SLC5A12: variants seen among roughly 807,000 people sequenced by gnomAD.
SLC5A12 encodes the protein sodium-coupled monocarboxylate transporter 2.
A neutral mutation model predicts 72.7 loss-of-function variants in SLC5A12; 46 were observed. That is an observed-to-expected ratio of 0.63 (90% CI 0.50 to 0.81). The LOEUF (loss-of-function observed/expected upper bound fraction) is 0.81, where lower values mean the gene tolerates loss of function less well. Ranked by LOEUF, SLC5A12 falls within the 30% of genes least tolerant of loss-of-function variation. The pLI, the probability that SLC5A12 is intolerant of heterozygous loss-of-function variation, is 0.00. For synonymous variants in SLC5A12, 275 were observed against 264.4 expected (o/e 1.04, Z -0.39); for missense variants, 683 against 740.7 (o/e 0.92, Z 0.90).
intron 13 of SLC5A12, among the ~76,000 whole-genome samples, chr11:26,674,379 A>AAAAAAAG (rs916150235): frequency 1.3e-5 from 2 of 151,042 alleles, no homozygotes; most frequent in African/African-American, 4.9e-5. Flanking sequence ...TCTAGAGACA[A>AAAAAAAG]AAAAAATAAA....
At position 26,673,384 on chromosome 11, in the gene SLC5A12, G is replaced by A. The variant is rs753344889; in HGVS notation, c.1707+18C>T. 5.9e-6 allele frequency: 9 copies of A among 1,526,478 alleles called. No individual in the cohort carries two copies. The highest frequency in any genetic ancestry group is 8.8e-7 in the Non-Finnish European group (1 of 1,136,946). 94.6% of individuals were successfully genotyped at this position (1,526,478 alleles called of 1,614,324 possible). ...TTTGAGTCCATACACATTTTTAGAA[G>A]CTCAAACATCAGCTCACCTGCTCTG... On this transcript the variant is annotated intron_variant, in intron 14 of 14. Coordinates refer to ENST00000396005, the MANE Select transcript of SLC5A12 (RefSeq NM_178498.4).
At chr11:26,694,479 C>A (rs1854761266) in intron 8 of SLC5A12, among the ~76,000 whole-genome samples, 1 of 152,100 alleles carries the variant, frequency 6.6e-6, no homozygotes, top group South Asian at 2.1e-4. Flanking sequence ...GAGTGTGACC[C>A]TTACTGGTGT....
intron 9 of SLC5A12, chr11:26,692,255 G>A (rs1326835587): frequency 9.3e-6 from 4 of 432,170 alleles, no homozygotes; most frequent in South Asian, 3.1e-5. Flanking sequence ...AGAGTGTAGG[G>A]TAAGTATAGA....
At chr11:26,704,191 A>T (rs1248215734) in intron 4 of SLC5A12, among the ~76,000 whole-genome samples, 1 of 152,172 alleles carries the variant, frequency 6.6e-6, no homozygotes, top group East Asian at 1.9e-4. Flanking sequence ...AGACAACAAG[A>T]TAGTGATTTA....
Position 26,681,153 on chromosome 11 carries a change from G to A in SLC5A12, c.1377C>T (p.Tyr459=), listed in dbSNP as rs1175455513. The A allele has an allele frequency of 6.2e-7, 1 of 1,611,912 alleles. No individual in the cohort carries two copies. The highest frequency in any genetic ancestry group is 1.7e-5 in the Admixed American group (1 of 59,782). The change falls in exon 12 of 15, where the codon TAC becomes TAT. Residue 459 remains tyrosine (Y), a synonymous_variant. Transcript: ENST00000396005. The part of the protein sequence containing the change: ...SFWVAIGAFI[Y]PAPASKTWPL... ...GCCATGTCTTAGAGGCTGGTGCAGG[G>A]TAAATGAAGGCCCCAATGGCCACCC... is the stretch of plus-strand genomic sequence containing the variant.
intron 1 of SLC5A12, among the ~76,000 whole-genome samples, chr11:26,714,365 A>G (rs1012350767): frequency 3.9e-5 from 6 of 152,138 alleles, no homozygotes; most frequent in African/African-American, 9.7e-5. Flanking sequence ...GATCTTACAG[A>G]TTAGACGAAG....
chr11:26,721,189 T>G (rs1214030598), intron 1 of SLC5A12, among the ~76,000 whole-genome samples, 187 bp downstream of exon 1: 1 of 152,232 alleles, frequency 6.6e-6, no homozygotes, highest in Non-Finnish European at 1.5e-5. Flanking sequence ...TCATCATTAT[T>G]TTCCTTCTAC....
intron 9 of SLC5A12, chr11:26,692,263 A>G: frequency 2.0e-6 from 1 of 508,618 alleles, no homozygotes; most frequent in Non-Finnish European, 3.6e-6. Context: ...GGGTAAGTAT[A>G]GAAGAGTATC....
chr11:26,711,354 A>T lies in SLC5A12; in HGVS notation c.410T>A (p.Leu137His). Residue 137 changes from leucine to histidine, a missense_variant, in exon 3 of 15, where the codon CTC (leucine) becomes CAC (histidine). Leu to His is a moderately conservative substitution (Grantham distance 99). Transcript: ENST00000396005. ...AGCATACACCACCACTCCTGTGTAG[A>T]GAATCTGGTAGAGAAACAAGAATCA... is the stretch of plus-strand genomic sequence containing the variant. ...ATVIYIVQTI[L>H]YTGVVVYAPA... The T allele has an allele frequency of 6.2e-7, 1 of 1,611,308 alleles. No individual in the cohort carries two copies. Among genetic ancestry groups the T allele is most frequent in the Non-Finnish European group, 8.5e-7 (1 of 1,178,248 alleles).
At chr11:26,690,536 C>T (rs563885682) in intron 9 of SLC5A12, among the ~76,000 whole-genome samples, 7 of 150,740 alleles carry the variant, frequency 4.6e-5, no homozygotes, top group South Asian at 4.2e-4. Context: ...AGTGGCCTGG[C>T]GCAGTGGCTC....
intron 1 of SLC5A12, among the ~76,000 whole-genome samples, chr11:26,713,528 A>T (rs551556366): frequency 6.6e-6 from 1 of 152,256 alleles, no homozygotes; most frequent in South Asian, 2.1e-4. Flanking sequence ...TCTTTCACAG[A>T]TGAGAAATTC....
At chr11:26,692,671 C>G in intron 8 of SLC5A12, 70 bp from the exon 9 acceptor site, 2 of 1,040,230 alleles carry the variant, frequency 1.9e-6, no homozygotes, top group Non-Finnish European at 3.0e-6. Flanking sequence ...GCCCTCTTGT[C>G]CAGGGCAGAT....
At chr11:26,712,779 T>G in intron 1 of SLC5A12, 73 bp from the exon 2 acceptor site, 1 of 1,051,476 alleles carries the variant, frequency 9.5e-7, no homozygotes, top group Non-Finnish European at 1.4e-6. Flanking sequence ...CTTTTTATCT[T>G]GGTATATCCT....
In SLC5A12 at chr11:26,683,750, T is replaced by G. The variant is rs368312706; in HGVS notation, c.1308+7A>C. On this transcript the variant is annotated splice_region_variant and intron_variant, in intron 11 of 14. Coordinates refer to ENST00000396005, the MANE Select transcript of SLC5A12 (RefSeq NM_178498.4). ...GGGAATTGTGAAGAGGGCTGTGGGA[T>G]CCTTACCTTCCAATTCACAAAAGGG... 6.3e-7 allele frequency: 1 copy of G among 1,576,654 alleles called. No homozygotes were observed. The highest frequency in any genetic ancestry group is 1.3e-5 in the African/African-American group (1 of 74,612).
rs534133235 is a variant in SLC5A12 at position 26,676,630 on chromosome 11, T to A, written c.1579+2082A>T. Reference sequence around the variant, plus strand: ...ACCAACAATGGTATTTGTTCTTGATTTAGGAAATGATATTTTCATTTCACA... The same window carrying A: ...ACCAACAATGGTATTTGTTCTTGATATAGGAAATGATATTTTCATTTCACA... On this transcript the variant is annotated intron_variant, in intron 13 of 14. Coordinates refer to ENST00000396005, the MANE Select transcript of SLC5A12 (RefSeq NM_178498.4). Among the ~76,000 whole-genome samples the A allele has an allele frequency of 2.6e-5, 4 of 152,258 alleles. No homozygotes were observed. In the East Asian group the frequency reaches 7.7e-4, roughly 29 times the overall value.
Position 26,683,763 on chromosome 11 carries a change from A to G in SLC5A12, c.1302T>C (p.Asn434=), listed in dbSNP as rs3924551. ...FSLGIVFPFV[N]WKGALGGLLT... is the part of the protein sequence containing the mutation. ...AGGGCTGTGGGATCCTTACCTTCCA[A>G]TTCACAAAAGGGAACACGATTCCCA... The change falls in exon 11 of 15, where the codon AAT becomes AAC. Residue 434 remains asparagine (N), a synonymous_variant. Coordinates refer to ENST00000396005, the MANE Select transcript of SLC5A12 (RefSeq NM_178498.4). 0.58 allele frequency: 914,917 copies of G among 1,583,162 alleles called. 270,879 individuals carry two copies. The highest frequency in any genetic ancestry group is 0.62 in the Non-Finnish European group (717,216 of 1,163,676).
At chr11:26,692,376 C>A in intron 9 of SLC5A12, 113 bp downstream of exon 9, 1 of 710,188 alleles carries the variant, frequency 1.4e-6, no homozygotes. Context: ...CTTCACATAT[C>A]TCACAGTGCA....
At chr11:26,712,433 C>G (rs181553042) in intron 2 of SLC5A12, among the ~76,000 whole-genome samples, 74 of 152,200 alleles carry the variant, frequency 4.9e-4, no homozygotes, top group African/African-American at 1.7e-3. Flanking sequence ...GGCTTATACA[C>G]ACACACAAAC....
rs1422219145 is a variant in SLC5A12, at chr11:26,667,047, ATTAGT to A, written c.*4050_*4054del. The A allele has an allele frequency of 6.6e-6, 1 of 151,890 alleles. No individual in the cohort carries two copies. Among genetic ancestry groups the A allele is most frequent in the East Asian group, 1.9e-4 (1 of 5,188 alleles). 9.4% of individuals were successfully genotyped at this position (151,890 alleles called of 1,614,324 possible). On this transcript the variant is annotated 3_prime_UTR_variant, in exon 15 of 15. Coordinates refer to ENST00000396005, the MANE Select transcript of SLC5A12 (RefSeq NM_178498.4). ...TACTATCAATGACGAGTTACATTTT[ATTAGT>A]TTATAAATTTGTATCATTTTCATGT...
Sources: gnomAD v4.1 joint callset for allele counts (sites outside exome capture counted in the v4.1 genomes callset) on GRCh38, gnomAD v4.1.1 for gene constraint, MANE v1.5 for transcripts, NCBI Gene and HGNC (gene_info 2026-07-23, HGNC 2026-07-21) for gene names.